Variants in CTNNA3 observed in about 807,000 individuals in gnomAD.
The protein encoded by CTNNA3 is catenin alpha 3.
CTNNA3 carries 76 observed loss-of-function variants against 95.7 expected under a neutral mutation model. The observed-to-expected ratio is 0.79, with a 90% CI of 0.66 to 0.96. The LOEUF (loss-of-function observed/expected upper bound fraction) is 0.96, where lower values mean the gene tolerates loss of function less well. CTNNA3 is among the 40% of genes least tolerant of loss of function. The probability of loss-of-function intolerance (pLI) is 0.00; values close to 1 mark genes in which losing one functional copy is unlikely to be tolerated. For synonymous variants in CTNNA3, 431 were observed against 374.4 expected (o/e 1.15, Z -1.74); for missense variants, 1,191 against 1,089.8 (o/e 1.09, Z -1.31).
chr10:67,022,869 C>T (rs533545275), intron 7 of CTNNA3, among the ~76,000 whole-genome samples: 6 of 151,986 alleles, frequency 3.9e-5, no homozygotes, highest in South Asian at 2.1e-4. Context: ...ACCCGGGTGG[C>T]GGAGGTTGCA....
rs531206948 is a variant in CTNNA3, at chr10:66,109,060, C to T, written c.1885-5811G>A. On this transcript the variant is annotated intron_variant, in intron 13 of 17. Transcript: ENST00000433211. ...CCATAATCAGTACTAACTTGCCCTA[C>T]TCCTTGACAATCCAATATGGATAAA... Among the ~76,000 whole-genome samples, 47 of 152,290 alleles carry T rather than the reference C, an allele frequency of 3.1e-4. No homozygotes were observed. In the South Asian group the frequency reaches 7.7e-3, roughly 25 times the overall value.
At chr10:67,628,023 TG>T (rs1341842605) in intron 2 of CTNNA3, among the ~76,000 whole-genome samples, 2 of 147,470 alleles carry the variant, frequency 1.4e-5, no homozygotes, top group African/African-American at 5.3e-5. Flanking sequence ...TAAAACTAAA[TG>T]GGTATAGAAA....
intron 5 of CTNNA3, among the ~76,000 whole-genome samples, chr10:67,253,501 A>G (rs972473710): frequency 5.3e-5 from 8 of 152,208 alleles, no homozygotes; most frequent in Non-Finnish European, 1.2e-4. Flanking sequence ...GGGTTAATCT[A>G]TAGTTCAAAG....
At chr10:66,541,253 G>A (rs1008525273) in intron 10 of CTNNA3, among the ~76,000 whole-genome samples, 1 of 152,018 alleles carries the variant, frequency 6.6e-6, no homozygotes, top group African/African-American at 2.4e-5. Context: ...AATCTGACTT[G>A]TTTCATTTCT....
At chr10:66,959,610 T>C (rs537511582) in intron 7 of CTNNA3, among the ~76,000 whole-genome samples, 2 of 152,178 alleles carry the variant, frequency 1.3e-5, no homozygotes, top group Non-Finnish European at 2.9e-5. Flanking sequence ...AGATGATTTC[T>C]ACAACTACTT....
intron 1 of CTNNA3, among the ~76,000 whole-genome samples, chr10:67,740,724 G>C (rs1445724817): frequency 4.6e-5 from 7 of 151,344 alleles, no homozygotes; most frequent in South Asian, 4.3e-4. Context: ...CTGTAAACTA[G>C]TTCAACCATT....
chr10:67,161,669 G>A (rs939548758), intron 7 of CTNNA3, among the ~76,000 whole-genome samples: 1 of 151,956 alleles, frequency 6.6e-6, no homozygotes, highest in African/African-American at 2.4e-5. Flanking sequence ...AGATAGATTA[G>A]ACATAATCCT....
chr10:67,670,043 G>C (rs1840401554), intron 1 of CTNNA3, among the ~76,000 whole-genome samples: 1 of 152,164 alleles, frequency 6.6e-6, no homozygotes, highest in Non-Finnish European at 1.5e-5. Context: ...AGTGGGTATA[G>C]AATGGTTAAA....
intron 7 of CTNNA3, among the ~76,000 whole-genome samples, chr10:67,142,626 T>C (rs200366467): frequency 1.3e-5 from 2 of 152,142 alleles, no homozygotes; most frequent in South Asian, 2.1e-4. Context: ...AAAATGTACG[T>C]ACCTTATTTT....
rs1450899640 is a variant in CTNNA3 at position 65,919,951 on chromosome 10, T to C, written c.*379A>G. The C allele has an allele frequency of 1.2e-5, 2 of 166,188 alleles. No homozygotes were observed. Among genetic ancestry groups the C allele is most frequent in the Non-Finnish European group, 2.6e-5 (2 of 77,522 alleles). The allele number at this position is 166,188 out of a possible 1,614,324, so 10.3% of individuals were successfully genotyped here. ...ATTAAAAAACCAAGTTAGGAGCTCA[T>C]GTTAGTGTTTTAATTCAAGATAAGG... On this transcript the variant is annotated 3_prime_UTR_variant, in exon 18 of 18. Coordinates refer to ENST00000433211, the MANE Select transcript of CTNNA3 (RefSeq NM_013266.4).
At chr10:67,017,959 ATGGGGTTTCACCATGTTGGCAAGGC>A (rs1315130451) in intron 7 of CTNNA3, among the ~76,000 whole-genome samples, 3 of 151,984 alleles carry the variant, frequency 2.0e-5, no homozygotes, top group Non-Finnish European at 2.9e-5. Context: ...TTAAGTTGAG[ATGGGGTTTCACCATGTTGGCAAGGC>A]TGGTCTCAAA....
intron 5 of CTNNA3, among the ~76,000 whole-genome samples, chr10:67,501,185 T>C (rs181003881): frequency 6.6e-6 from 1 of 152,282 alleles, no homozygotes; most frequent in Non-Finnish European, 1.5e-5. Flanking sequence ...TCAGCATTTT[T>C]TGTCTCTAAA....
intron 2 of CTNNA3, among the ~76,000 whole-genome samples, chr10:67,637,794 C>T (rs1156329171): frequency 1.3e-5 from 2 of 152,118 alleles, no homozygotes; most frequent in African/African-American, 4.8e-5. Context: ...AAATAAAACA[C>T]TTTACAGACA....
chr10:66,692,252 A>T (rs1847576273), intron 9 of CTNNA3, among the ~76,000 whole-genome samples: 1 of 152,216 alleles, frequency 6.6e-6, no homozygotes, highest in African/African-American at 2.4e-5. Context: ...AAGAACCAAT[A>T]AAGAGAAGTG....
intron 11 of CTNNA3, among the ~76,000 whole-genome samples, chr10:66,449,278 T>C (rs982237158): frequency 6.6e-6 from 1 of 152,098 alleles, no homozygotes; most frequent in African/African-American, 2.4e-5. Flanking sequence ...AAAACTGCAT[T>C]ATCCATTTTT....
At chr10:67,053,190 C>A (rs928725648) in intron 7 of CTNNA3, among the ~76,000 whole-genome samples, 2 of 152,098 alleles carry the variant, frequency 1.3e-5, no homozygotes, top group Admixed American at 6.5e-5. Context: ...GTTTGGTCAA[C>A]CTTCACACAA....
chr10:67,599,735 C>G (rs1843025770), intron 3 of CTNNA3, among the ~76,000 whole-genome samples: 1 of 152,076 alleles, frequency 6.6e-6, no homozygotes. Context: ...TTTGTATCCA[C>G]AATAAATGTA....
chr10:66,386,120 A>G lies in CTNNA3; in HGVS notation c.1532-6768T>C, dbSNP rs1589173130. On this transcript the variant is annotated intron_variant, in intron 11 of 17. Transcript: ENST00000433211. ...GGCAATCAGGCAAGAGAAAGAAATA[A>G]AGGGTATTCAGTTAGGAAATGAGGA... 3.9e-5 allele frequency among the ~76,000 whole-genome samples: 6 copies of G among 152,290 alleles called. No homozygotes were observed. The South Asian group carries it at 1.0e-3, about 26-fold the overall frequency.
chr10:67,534,133 A>G (rs1343300189), intron 4 of CTNNA3, among the ~76,000 whole-genome samples: 1 of 151,980 alleles, frequency 6.6e-6, no homozygotes, highest in Non-Finnish European at 1.5e-5. Flanking sequence ...GGCCCATTAC[A>G]TGCAAAATAA....
Sources: allele counts gnomAD v4.1 joint callset (sites outside exome capture counted in the v4.1 genomes callset), GRCh38; gene constraint gnomAD v4.1.1; transcripts MANE v1.5; gene names NCBI Gene and HGNC (gene_info 2026-07-23, HGNC 2026-07-21).